GRIA1: variants seen among roughly 807,000 people sequenced by gnomAD.
The protein encoded by GRIA1 is glutamate ionotropic receptor AMPA type subunit 1.
GRIA1 carries 31 observed loss-of-function variants against 99.2 expected under a neutral mutation model. The observed-to-expected ratio is 0.31, with a 90% CI of 0.23 to 0.42. The LOEUF (loss-of-function observed/expected upper bound fraction) is 0.42. Among genes scored for constraint, GRIA1 ranks in the 10% least tolerant of loss-of-function variants. The pLI, the probability that GRIA1 is intolerant of heterozygous loss-of-function variation, is 1.00. For synonymous variants in GRIA1, 438 were observed against 432.4 expected, an observed-to-expected ratio of 1.01 and a Z score of -0.16; for missense variants, 782 against 1,157.5, an observed-to-expected ratio of 0.68 and a Z score of 4.71.
chr5:153,808,065 G>A (rs867160513), intron 15 of GRIA1, among the ~76,000 whole-genome samples: 1 of 152,234 alleles, frequency 6.6e-6, no homozygotes, highest in Non-Finnish European at 1.5e-5. Flanking sequence ...CCTGAGCAAA[G>A]ACATTACTGA....
At chr5:153,740,151 C>T (rs950005163) in intron 11 of GRIA1, among the ~76,000 whole-genome samples, 10 of 152,254 alleles carry the variant, frequency 6.6e-5, no homozygotes, top group South Asian at 6.2e-4. Flanking sequence ...TTTTGTGTTC[C>T]GCCCAAGGAA....
intron 2 of GRIA1, among the ~76,000 whole-genome samples, chr5:153,543,496 C>T (rs892480137): frequency 2.0e-5 from 3 of 151,958 alleles, no homozygotes; most frequent in Non-Finnish European, 4.4e-5. Context: ...ATTTAGTAAA[C>T]TAAGACAAAG....
chr5:153,501,050 G>T (rs1196608624), intron 2 of GRIA1, among the ~76,000 whole-genome samples: 1 of 152,138 alleles, frequency 6.6e-6, no homozygotes, highest in Non-Finnish European at 1.5e-5. Flanking sequence ...TCTACCTTTG[G>T]CTAGCAAGAG....
intron 13 of GRIA1, among the ~76,000 whole-genome samples, chr5:153,780,990 G>A (rs1316581516): frequency 6.6e-6 from 1 of 152,096 alleles, no homozygotes; most frequent in Non-Finnish European, 1.5e-5. Context: ...AGTCTCGGAG[G>A]GCAGGCAGAA....
chr5:153,496,770 G>A (rs1300501111), intron 2 of GRIA1, among the ~76,000 whole-genome samples: 1 of 152,114 alleles, frequency 6.6e-6, no homozygotes, highest in African/African-American at 2.4e-5. Flanking sequence ...AGCAAGAAAA[G>A]CATCTTATTC....
intron 4 of GRIA1, among the ~76,000 whole-genome samples, chr5:153,653,051 C>T (rs1041312815): frequency 6.6e-6 from 1 of 152,158 alleles, no homozygotes; most frequent in African/African-American, 2.4e-5. Context: ...TCTCCAGCCC[C>T]CACCCAACTA....
At chr5:153,591,972 G>A (rs1381861352) in intron 2 of GRIA1, among the ~76,000 whole-genome samples, 3 of 152,166 alleles carry the variant, frequency 2.0e-5, no homozygotes, top group Non-Finnish European at 2.9e-5. Context: ...TTTAGTGTGT[G>A]AGGAGGGAAA....
At chr5:153,735,674 T>C (rs905371732) in intron 11 of GRIA1, among the ~76,000 whole-genome samples, 1 of 152,150 alleles carries the variant, frequency 6.6e-6, no homozygotes, top group African/African-American at 2.4e-5. Context: ...AGACAAATAA[T>C]TATGAATTTG....
upstream of GRIA1, chr5:153,489,786 C>T (rs767670153): frequency 2.2e-6 from 1 of 456,542 alleles, no homozygotes; most frequent in African/African-American, 2.0e-5. Context: ...CTGAAAGAAG[C>T]TTGAATCCTC....
intron 2 of GRIA1, among the ~76,000 whole-genome samples, chr5:153,610,022 GTC>G (rs1454981717): frequency 6.6e-6 from 1 of 152,188 alleles, no homozygotes; most frequent in Non-Finnish European, 1.5e-5. Flanking sequence ...TCATTCTACT[GTC>G]TGCATGCCTG....
intron 2 of GRIA1, among the ~76,000 whole-genome samples, chr5:153,646,083 T>A (rs1437376640): frequency 6.6e-6 from 1 of 152,236 alleles, no homozygotes; most frequent in Admixed American, 6.5e-5. Context: ...GACCTTGGTC[T>A]TATTAGCATC....
chr5:153,665,867 T>C (rs775834966), intron 5 of GRIA1, among the ~76,000 whole-genome samples: 8 of 152,196 alleles, frequency 5.3e-5, no homozygotes, highest in South Asian at 4.1e-4. Context: ...TAACCTAATA[T>C]GGTAACTTCT....
At chr5:153,738,720 C>CTTTTTTTTTTTTTTTTTTTTT (rs55874747) in intron 11 of GRIA1, among the ~76,000 whole-genome samples, 1 of 102,348 alleles carries the variant, frequency 9.8e-6, no homozygotes, top group African/African-American at 4.0e-5. Context: ...TCCATACCTT[C>CTTTTTTTTTTTTTTTTTTTTT]TTTTTTTTTT....
chr5:153,759,023 T>C (rs546204116), intron 11 of GRIA1, among the ~76,000 whole-genome samples: 2 of 151,904 alleles, frequency 1.3e-5, no homozygotes, highest in Non-Finnish European at 1.5e-5. Flanking sequence ...TTTTAAAAAT[T>C]TTAATTTCAT....
chr5:153,670,525 CA>C (rs1756083577), intron 5 of GRIA1, among the ~76,000 whole-genome samples: 3 of 151,862 alleles, frequency 2.0e-5, no homozygotes, highest in Admixed American at 2.0e-4. Context: ...CAAAGTGGCT[CA>C]AAGAGAGTAG....
chr5:153,550,391 A>G (rs1760028850), intron 2 of GRIA1, among the ~76,000 whole-genome samples: 1 of 152,078 alleles, frequency 6.6e-6, no homozygotes, highest in Non-Finnish European at 1.5e-5. Flanking sequence ...AAAGATGAAA[A>G]AAAAAATTAA....
intron 2 of GRIA1, among the ~76,000 whole-genome samples, chr5:153,615,676 T>C (rs2149415224): frequency 6.6e-6 from 1 of 152,180 alleles, no homozygotes; most frequent in Admixed American, 6.5e-5. Context: ...AAAATAAAAG[T>C]AAACGCCACC....
intron 5 of GRIA1, among the ~76,000 whole-genome samples, chr5:153,663,600 A>G (rs1755531145): frequency 6.6e-6 from 1 of 152,246 alleles, no homozygotes; most frequent in South Asian, 2.1e-4. Context: ...TAGAACACAG[A>G]GTGCAACAGA....
intron 8 of GRIA1, among the ~76,000 whole-genome samples, chr5:153,696,862 ATGTGTG>A (rs10694156): frequency 6.6e-6 from 1 of 151,126 alleles, no homozygotes; most frequent in East Asian, 2.0e-4. Flanking sequence ...TAGGGTGTGT[ATGTGTG>A]TGTGTGTGTG....
Sources: allele counts gnomAD v4.1 joint callset (sites outside exome capture counted in the v4.1 genomes callset), GRCh38; gene constraint gnomAD v4.1.1; transcripts MANE v1.5; gene names NCBI Gene and HGNC (gene_info 2026-07-23, HGNC 2026-07-21).